The following SLC4A4 variants were observed in gnomAD, a reference collection of about 807,000 sequenced individuals.
The protein encoded by SLC4A4 is solute carrier family 4 member 4, also known as electrogenic sodium bicarbonate cotransporter 1.
A neutral mutation model predicts 111.5 loss-of-function variants in SLC4A4; 27 were observed. The observed-to-expected ratio is 0.24, with a 90% CI of 0.18 to 0.33. The LOEUF (loss-of-function observed/expected upper bound fraction) is 0.33. Among genes scored for constraint, SLC4A4 ranks in the 10% least tolerant of loss-of-function variants. SLC4A4 has a pLI of 1.00. For synonymous variants in SLC4A4, 443 were observed against 463.4 expected, an observed-to-expected ratio of 0.96 and a Z score of 0.57; for missense variants, 909 against 1,315.5, an observed-to-expected ratio of 0.69 and a Z score of 4.78.
chr4:71,231,922 A>G (rs1719454751), intron 1 of SLC4A4, among the ~76,000 whole-genome samples: 1 of 152,078 alleles, frequency 6.6e-6, no homozygotes, highest in African/African-American at 2.4e-5. Flanking sequence ...TGCTGAGAGG[A>G]TTTGCGGTGG....
At chr4:71,096,320 G>A (rs1742549266) in intron 2 of SLC4A4, among the ~76,000 whole-genome samples, 1 of 152,140 alleles carries the variant, frequency 6.6e-6, no homozygotes, top group Non-Finnish European at 1.5e-5. Context: ...AACCCAGACG[G>A]TATGTATAGA....
At chr4:71,180,816 A>C (rs1307422296) in intron 2 of SLC4A4, among the ~76,000 whole-genome samples, 1 of 152,246 alleles carries the variant, frequency 6.6e-6, no homozygotes, top group East Asian at 1.9e-4. Context: ...TAGAACTAGC[A>C]ATACCATTTG....
At chr4:71,163,626 G>A (rs2579344) in intron 2 of SLC4A4, among the ~76,000 whole-genome samples, 56,142 of 152,100 alleles carry the variant, frequency 0.37, 15,757 homozygotes, top group African/African-American at 0.77. Context: ...TATTTTCATC[G>A]ATAAATGTGA....
chr4:71,440,764 T>G lies in SLC4A4; in HGVS notation c.956T>G (p.Val319Gly). Residue 319 changes from valine to glycine, a missense_variant, in exon 8 of 26, where the codon GTG becomes GGG. Physicochemically the swap from Val to Gly is moderately radical, Grantham distance 109. Around this residue, in one of 7 missense-constraint regions of SLC4A4, gnomAD observed 312 missense variants for 402.0 expected, o/e 0.78. Coordinates refer to ENST00000264485, the MANE Select transcript of SLC4A4 (RefSeq NM_001098484.3). ...VMLGALTEVP[V>G]PTRFLFILLG... ...CTGGGTGCCCTGACTGAAGTTCCTG[T>G]GCCCACAAGGTAAGCTGCTCTCCTA... The G allele has an allele frequency of 6.2e-7, 1 of 1,614,100 alleles. No individual in the cohort carries two copies. The highest frequency in any genetic ancestry group is 8.5e-7 in the Non-Finnish European group (1 of 1,179,986).
intron 18 of SLC4A4, among the ~76,000 whole-genome samples, chr4:71,539,652 T>C (rs989309982): frequency 6.6e-6 from 1 of 152,156 alleles, no homozygotes; most frequent in African/African-American, 2.4e-5. Context: ...TATATTTCTC[T>C]TGTTTTTGCT....
At chr4:71,506,862 A>G (rs1403719541) in intron 16 of SLC4A4, among the ~76,000 whole-genome samples, 1 of 152,178 alleles carries the variant, frequency 6.6e-6, no homozygotes, top group East Asian at 1.9e-4. Context: ...AAGATCACCT[A>G]CAAAGGGAAG....
rs141949054 is a variant in SLC4A4 at position 71,236,095 on chromosome 4, G to T, written c.-1-481G>T. 303 of 1,005,132 alleles carry T rather than the reference G, an allele frequency of 3.0e-4. 2 individuals are homozygous for T. The African/African-American group carries it at 5.0e-3, about 17-fold the overall frequency. 62.3% of individuals were successfully genotyped at this position (1,005,132 alleles called of 1,614,324 possible). On this transcript the variant is annotated intron_variant, in intron 1 of 25. Coordinates refer to ENST00000264485, the MANE Select transcript of SLC4A4 (RefSeq NM_001098484.3). ...AGCCTACCTCCCTGTCGCTCTCTGC[G>T]TGTGGGTGGGTGTGCATGTGTGTGT...
intron 2 of SLC4A4, among the ~76,000 whole-genome samples, chr4:71,164,871 A>C (rs374370066): frequency 0.053 from 8,004 of 152,194 alleles, 656 homozygotes; most frequent in African/African-American, 0.18. Flanking sequence ...AAAACAAAAA[A>C]ACCATCAAAA....
At chr4:71,122,772 C>T (rs1413484791) in intron 2 of SLC4A4, among the ~76,000 whole-genome samples, 4 of 152,138 alleles carry the variant, frequency 2.6e-5, no homozygotes, top group Non-Finnish European at 5.9e-5. Flanking sequence ...TCCTTGCCTA[C>T]CCATCACAAA....
chr4:71,295,946 C>T (rs1724753642), intron 3 of SLC4A4, among the ~76,000 whole-genome samples: 1 of 151,902 alleles, frequency 6.6e-6, no homozygotes, highest in African/African-American at 2.4e-5. Flanking sequence ...AGTCATGAAC[C>T]ACCGTGCCTG....
chr4:71,156,910 T>C (rs1266454405), intron 2 of SLC4A4, among the ~76,000 whole-genome samples: 8 of 152,156 alleles, frequency 5.3e-5, no homozygotes, highest in African/African-American at 1.4e-4. Flanking sequence ...AGTTTTATTT[T>C]TACAAAGTGA....
In SLC4A4 at chr4:71,537,409, A is replaced by G. The variant is rs1734642752; in HGVS notation, c.2442+3021A>G. Among the ~76,000 whole-genome samples the G allele has an allele frequency of 3.1e-5, 4 of 130,854 alleles. No homozygotes were observed. In the East Asian group the frequency reaches 8.9e-4, roughly 29 times the overall value. 85.8% of individuals were successfully genotyped at this position (130,854 alleles called of 152,430 possible). The stretch of plus-strand genomic sequence containing the variant: ...ATGTGTGTGTATATATTATACATAT[A>G]TGTGTGTATATATACATATATGTGT... On this transcript the variant is annotated intron_variant, in intron 18 of 25. Coordinates refer to ENST00000264485, the MANE Select transcript of SLC4A4 (RefSeq NM_001098484.3).
At chr4:71,361,655 A>G (rs935605552) in intron 6 of SLC4A4, among the ~76,000 whole-genome samples, 1 of 152,218 alleles carries the variant, frequency 6.6e-6, no homozygotes, top group Non-Finnish European at 1.5e-5. Context: ...ACTATATGAA[A>G]TTGCCAAAGG....
At chr4:71,435,297 A>G (rs1372945320) in intron 7 of SLC4A4, among the ~76,000 whole-genome samples, 4 of 152,222 alleles carry the variant, frequency 2.6e-5, no homozygotes, top group Non-Finnish European at 2.9e-5. Context: ...AGACAAAAAC[A>G]AGCAATGGGG....
At position 71,457,389 on chromosome 4, in the gene SLC4A4, G is replaced by A. The variant is rs1441695300; in HGVS notation, c.1497+3720G>A. On this transcript the variant is annotated intron_variant, in intron 12 of 25. Coordinates refer to ENST00000264485, the MANE Select transcript of SLC4A4 (RefSeq NM_001098484.3). ...ATTAGGCTGCTCTGAGAGAACTCTG[G>A]GACTTACAGAATGGGTATTCACAAA... Among the ~76,000 whole-genome samples, 3 of 152,024 alleles carry A rather than the reference G, an allele frequency of 2.0e-5. No homozygotes were observed. The South Asian group carries it at 6.2e-4, about 32-fold the overall frequency.
chr4:71,223,277 G>A (rs1196031739), intron 1 of SLC4A4, among the ~76,000 whole-genome samples: 2 of 151,868 alleles, frequency 1.3e-5, no homozygotes, highest in Non-Finnish European at 2.9e-5. Context: ...CTGGGTTCAG[G>A]CCATTCTCCT....
At chr4:71,079,123 A>G (rs1191322875) in intron 1 of SLC4A4, among the ~76,000 whole-genome samples, 1 of 152,116 alleles carries the variant, frequency 6.6e-6, no homozygotes, top group Non-Finnish European at 1.5e-5. Flanking sequence ...CCAGCCTTGT[A>G]TAACAGTTTA....
At chr4:71,112,333 G>C (rs569300402) in intron 2 of SLC4A4, among the ~76,000 whole-genome samples, 5 of 152,308 alleles carry the variant, frequency 3.3e-5, no homozygotes, top group Non-Finnish European at 7.3e-5. Flanking sequence ...TGTGTCTAAA[G>C]TTCAATGTCT....
At chr4:71,128,992 GC>G (rs1743629936) in intron 2 of SLC4A4, among the ~76,000 whole-genome samples, 1 of 152,004 alleles carries the variant, frequency 6.6e-6, no homozygotes, top group African/African-American at 2.4e-5. Flanking sequence ...TAAATGTAAG[GC>G]CTAAAACTAT....
Sources: gnomAD v4.1 joint callset for allele counts (sites outside exome capture counted in the v4.1 genomes callset) on GRCh38, gnomAD v4.1.1 for gene constraint, gnomAD v4.1.1 regional missense constraint, MANE v1.5 for transcripts, NCBI Gene and HGNC (gene_info 2026-07-23, HGNC 2026-07-21) for gene names.